RBFOX1: variants seen among roughly 807,000 people sequenced by gnomAD.
RBFOX1 encodes the protein RNA binding fox-1 homolog 1.
A neutral mutation model predicts 57.7 loss-of-function variants in RBFOX1; 8 were observed. The ratio of observed to expected loss-of-function variants is 0.14; its 90% CI spans 0.08 to 0.25. RBFOX1 has a LOEUF of 0.25. Ranked by LOEUF, RBFOX1 falls within the 10% of genes least tolerant of loss-of-function variation. The probability of loss-of-function intolerance (pLI) is 1.00; values close to 1 mark genes in which losing one functional copy is unlikely to be tolerated. For missense variants in RBFOX1, 611 were observed against 548.5 expected (o/e 1.11, Z -1.14); for synonymous variants, 326 against 222.4 (o/e 1.47, Z -4.15).
intron 4 of RBFOX1, among the ~76,000 whole-genome samples, chr16:7,257,118 T>G (rs1358705544): frequency 2.0e-5 from 3 of 152,178 alleles, no homozygotes; most frequent in South Asian, 2.1e-4. Flanking sequence ...TGAACAGTTG[T>G]GAAACTGAAC....
chr16:6,132,497 G>A (rs1270743758), intron 1 of RBFOX1, among the ~76,000 whole-genome samples: 2 of 152,180 alleles, frequency 1.3e-5, no homozygotes, highest in East Asian at 3.9e-4. Context: ...AAGTCTTGGA[G>A]TCACTTGTTA....
intron 3 of RBFOX1, among the ~76,000 whole-genome samples, chr16:6,744,308 A>G (rs1216937307): frequency 1.3e-5 from 2 of 152,142 alleles, no homozygotes; most frequent in African/African-American, 4.8e-5. Flanking sequence ...CTAGAAAATT[A>G]TTAAATATAT....
At chr16:6,496,695 C>G (rs1363486541) in intron 2 of RBFOX1, among the ~76,000 whole-genome samples, 1 of 152,160 alleles carries the variant, frequency 6.6e-6, no homozygotes, top group East Asian at 1.9e-4. Context: ...CACGGTGTCT[C>G]ATGCCTGTAA....
chr16:6,241,201 C>T (rs909447687), intron 1 of RBFOX1, among the ~76,000 whole-genome samples: 12 of 152,172 alleles, frequency 7.9e-5, no homozygotes, highest in Non-Finnish European at 1.8e-4. Flanking sequence ...ATGCAAATTC[C>T]CGTTCAGACG....
chr16:6,472,513 C>G (rs1047975295), intron 2 of RBFOX1, among the ~76,000 whole-genome samples: 2 of 152,164 alleles, frequency 1.3e-5, no homozygotes, highest in African/African-American at 2.4e-5. Flanking sequence ...AGGTGACATA[C>G]TGCTGACATC....
At chr16:7,575,719 G>T (rs1422971865) in intron 5 of RBFOX1, among the ~76,000 whole-genome samples, 1 of 152,118 alleles carries the variant, frequency 6.6e-6, no homozygotes, top group East Asian at 1.9e-4. Flanking sequence ...CCTCTTTCAG[G>T]AAACGAATAT....
chr16:7,421,777 G>A (rs1387964491), intron 4 of RBFOX1, among the ~76,000 whole-genome samples: 3 of 152,210 alleles, frequency 2.0e-5, no homozygotes, highest in Admixed American at 1.3e-4. Context: ...GCATCGTGCT[G>A]TCGTCAGCAG....
At chr16:5,262,614 C>G (rs1228591855) in intron 1 of RBFOX1, among the ~76,000 whole-genome samples, 3 of 152,174 alleles carry the variant, frequency 2.0e-5, no homozygotes, top group Non-Finnish European at 2.9e-5. Context: ...ATCAATCTGT[C>G]TCTCTCTAGG....
At chr16:6,441,190 GC>G (rs2094372080) in intron 2 of RBFOX1, among the ~76,000 whole-genome samples, 1 of 152,032 alleles carries the variant, frequency 6.6e-6, no homozygotes, top group Admixed American at 6.6e-5. Context: ...GAGGGATGGG[GC>G]TAATAATGTC....
At chr16:5,566,972 C>G (rs151000924) in intron 2 of RBFOX1, among the ~76,000 whole-genome samples, 1 of 152,122 alleles carries the variant, frequency 6.6e-6, no homozygotes, top group Admixed American at 6.5e-5. Flanking sequence ...GTGGCTTCAC[C>G]GGCTGGGAGT....
intron 5 of RBFOX1, among the ~76,000 whole-genome samples, chr16:7,531,305 T>C (rs1183831861): frequency 6.6e-6 from 1 of 152,154 alleles, no homozygotes; most frequent in Non-Finnish European, 1.5e-5. Context: ...GCAGCGATCA[T>C]TTATGGATAA....
At chr16:6,115,678 G>C (rs1441543188) in intron 1 of RBFOX1, among the ~76,000 whole-genome samples, 1 of 152,128 alleles carries the variant, frequency 6.6e-6, no homozygotes, top group Non-Finnish European at 1.5e-5. Flanking sequence ...TTTTTGTGTT[G>C]TGGGCCGAAC....
intron 1 of RBFOX1, among the ~76,000 whole-genome samples, chr16:6,309,546 A>T (rs762580899): frequency 2.6e-5 from 4 of 152,202 alleles, no homozygotes; most frequent in African/African-American, 4.8e-5. Context: ...ATGCCAGCCC[A>T]TAATTGGGAG....
At chr16:6,384,400 C>T (rs1186794512) in intron 2 of RBFOX1, among the ~76,000 whole-genome samples, 2 of 152,172 alleles carry the variant, frequency 1.3e-5, no homozygotes, top group Non-Finnish European at 2.9e-5. Context: ...CAGCTAGATT[C>T]TGCTAGGGTG....
At chr16:7,156,961 C>T (rs1434193695) in intron 4 of RBFOX1, among the ~76,000 whole-genome samples, 3 of 152,170 alleles carry the variant, frequency 2.0e-5, no homozygotes, top group African/African-American at 7.2e-5. Flanking sequence ...CAAAAAGTGC[C>T]TTTAAAAAAA....
At chr16:6,166,992 C>G (rs977148288) in intron 1 of RBFOX1, among the ~76,000 whole-genome samples, 1 of 152,104 alleles carries the variant, frequency 6.6e-6, no homozygotes, top group African/African-American at 2.4e-5. Flanking sequence ...CTAGGCTGGT[C>G]TCAAACTCCT....
chr16:6,931,871 G>A (rs1245683902), intron 3 of RBFOX1, among the ~76,000 whole-genome samples: 1 of 152,142 alleles, frequency 6.6e-6, no homozygotes, highest in Non-Finnish European at 1.5e-5. Context: ...ACGAGGGCGT[G>A]GTATAAGGCA....
intron 4 of RBFOX1, among the ~76,000 whole-genome samples, chr16:7,268,091 T>A (rs1293686357): frequency 1.3e-5 from 2 of 152,164 alleles, no homozygotes; most frequent in Non-Finnish European, 1.5e-5. Flanking sequence ...AGCAGGTTAG[T>A]GTGCTGAATA....
At chr16:6,607,093 A>G (rs2097943401) in intron 2 of RBFOX1, among the ~76,000 whole-genome samples, 1 of 152,180 alleles carries the variant, frequency 6.6e-6, no homozygotes, top group Non-Finnish European at 1.5e-5. Context: ...GCTGCCTTCC[A>G]AACCTACTGA....
Sources: allele counts gnomAD v4.1 joint callset (sites outside exome capture counted in the v4.1 genomes callset), GRCh38; gene constraint gnomAD v4.1.1; transcripts MANE v1.5; gene names NCBI Gene and HGNC (gene_info 2026-07-23, HGNC 2026-07-21).